The following EBF1 variants were observed in gnomAD, a reference collection of about 807,000 sequenced individuals.
The protein encoded by EBF1 is transcription factor COE1.
A neutral mutation model predicts 68.4 loss-of-function variants in EBF1; 10 were observed. That is an observed-to-expected ratio of 0.15 (90% CI 0.09 to 0.25). The LOEUF (loss-of-function observed/expected upper bound fraction) is 0.25, where lower values mean the gene tolerates loss of function less well. EBF1 is among the 10% of genes least tolerant of loss of function. EBF1 has a pLI of 1.00. For synonymous variants in EBF1, 298 were observed against 299.8 expected (o/e 0.99, Z 0.06); for missense variants, 509 against 794.4 (o/e 0.64, Z 4.32).
intron 6 of EBF1, among the ~76,000 whole-genome samples, chr5:158,856,874 T>C (rs1485096937): frequency 1.3e-5 from 2 of 152,342 alleles, no homozygotes; most frequent in Non-Finnish European, 2.9e-5. Context: ...TTTACCACTG[T>C]AGGGTACAGC....
intron 10 of EBF1, among the ~76,000 whole-genome samples, chr5:158,746,272 A>C (rs1035654798): frequency 6.6e-6 from 1 of 152,176 alleles, no homozygotes; most frequent in East Asian, 1.9e-4. Context: ...AATTCTTAAT[A>C]ACAGCAACTT....
chr5:158,932,477 G>T (rs1018496310), intron 6 of EBF1, among the ~76,000 whole-genome samples: 2 of 152,110 alleles, frequency 1.3e-5, no homozygotes, highest in Non-Finnish European at 2.9e-5. Context: ...ACCTAAGCGT[G>T]AACAGTGGTT....
intron 6 of EBF1, among the ~76,000 whole-genome samples, chr5:159,032,713 T>C (rs7720283): frequency 0.87 from 132,482 of 152,220 alleles, 58,061 homozygotes; most frequent in African/African-American, 0.97. Flanking sequence ...TTTGGAATTG[T>C]CATGAACAGT....
chr5:158,909,136 CAG>C (rs1328362157), intron 6 of EBF1, among the ~76,000 whole-genome samples: 2 of 150,142 alleles, frequency 1.3e-5, no homozygotes, highest in East Asian at 2.0e-4. Flanking sequence ...AAAAAGAAAA[CAG>C]AAAGAAAAAG....
intron 11 of EBF1, among the ~76,000 whole-genome samples, chr5:158,721,667 T>C (rs1761960275): frequency 6.6e-6 from 1 of 152,180 alleles, no homozygotes; most frequent in Non-Finnish European, 1.5e-5. Context: ...AGCTGTTGGT[T>C]CGATCGTGTG....
intron 6 of EBF1, among the ~76,000 whole-genome samples, chr5:159,010,491 C>A (rs1201529379): frequency 1.3e-5 from 2 of 152,100 alleles, no homozygotes; most frequent in Non-Finnish European, 2.9e-5. Context: ...ATACTCCCCC[C>A]CAGAAGCATG....
At chr5:159,063,575 A>G (rs1776240896) in intron 6 of EBF1, among the ~76,000 whole-genome samples, 1 of 152,220 alleles carries the variant, frequency 6.6e-6, no homozygotes, top group South Asian at 2.1e-4. Flanking sequence ...GAAGCCAGGA[A>G]CTATGTTTGT....
intron 6 of EBF1, among the ~76,000 whole-genome samples, chr5:158,951,325 T>TGA (rs1815916441): frequency 6.6e-6 from 1 of 152,180 alleles, no homozygotes; most frequent in African/African-American, 2.4e-5. Flanking sequence ...ATTTCCCAAA[T>TGA]GAGAGAAGGC....
At chr5:158,805,001 A>C (rs1446824238) in intron 8 of EBF1, among the ~76,000 whole-genome samples, 1 of 152,140 alleles carries the variant, frequency 6.6e-6, no homozygotes, top group African/African-American at 2.4e-5. Flanking sequence ...ATTATACAAT[A>C]AGTAAATAAC....
Position 159,006,951 on chromosome 5 carries a change from T to C in EBF1, c.554+66445A>G, listed in dbSNP as rs1443135798. On this transcript the variant is annotated intron_variant, in intron 6 of 15. Coordinates refer to ENST00000313708, the MANE Select transcript of EBF1 (RefSeq NM_024007.5). Reference sequence around the variant, plus strand: ...TTCCTATTTACATATGCTTTACTTCTCAAAAGAATGTCACCTTCCTATTAA... The same window carrying C: ...TTCCTATTTACATATGCTTTACTTCCCAAAAGAATGTCACCTTCCTATTAA... Among the ~76,000 whole-genome samples the C allele has an allele frequency of 2.6e-5, 4 of 152,226 alleles. No individual in the cohort carries two copies. In the South Asian group the frequency reaches 8.3e-4, roughly 31 times the overall value.
At chr5:158,971,295 TA>T (rs1207179976) in intron 6 of EBF1, among the ~76,000 whole-genome samples, 1 of 152,126 alleles carries the variant, frequency 6.6e-6, no homozygotes, top group African/African-American at 2.4e-5. Context: ...TCTCGGAAAA[TA>T]GCCTGTCCAG....
chr5:158,823,189 A>C lies in EBF1; in HGVS notation c.765T>G (p.Ser255=). The change falls in exon 8 of 16, where the codon TCT becomes TCG. Residue 255 remains serine (S), a synonymous_variant. Coordinates refer to ENST00000313708, the MANE Select transcript of EBF1 (RefSeq NM_024007.5). ...RRLDPSEGTP[S]YLEHATPCIK... is the part of the protein sequence containing the mutation. ...TGATTCGCCTACCATGTTCCAGATA[A>C]GAGGGCGTACCTTCCGAGGGGTCAA... The C allele has an allele frequency of 6.2e-7, 1 of 1,613,998 alleles. No homozygotes were observed. The highest frequency in any genetic ancestry group is 1.3e-5 in the African/African-American group (1 of 75,038).
chr5:159,061,270 A>C (rs567048638), intron 6 of EBF1, among the ~76,000 whole-genome samples: 2 of 152,258 alleles, frequency 1.3e-5, no homozygotes, highest in Admixed American at 6.5e-5. Flanking sequence ...CCATTAAATA[A>C]GGGCTCTGTG....
At chr5:158,767,960 G>C (rs1048049450) in intron 10 of EBF1, among the ~76,000 whole-genome samples, 2 of 152,124 alleles carry the variant, frequency 1.3e-5, no homozygotes, top group African/African-American at 4.8e-5. Context: ...ACAGCACGTG[G>C]TGGGTCCCGG....
At chr5:159,066,630 GACACACACAC>G (rs34606310) in intron 6 of EBF1, among the ~76,000 whole-genome samples, 16 of 148,680 alleles carry the variant, frequency 1.1e-4, no homozygotes, top group African/African-American at 3.9e-4. Context: ...TACATGCACA[GACACACACAC>G]ACACACACAC....
intron 11 of EBF1, among the ~76,000 whole-genome samples, chr5:158,729,254 A>G (rs947321646): frequency 2.6e-5 from 4 of 152,262 alleles, no homozygotes; most frequent in Admixed American, 2.0e-4. Flanking sequence ...TTGCATAGCT[A>G]GCAAGTGGCC....
At chr5:158,880,188 A>T (rs990819452) in intron 6 of EBF1, among the ~76,000 whole-genome samples, 4 of 152,132 alleles carry the variant, frequency 2.6e-5, no homozygotes, top group African/African-American at 7.2e-5. Context: ...GAAAGGGAGG[A>T]TGAGAAGATC....
intron 6 of EBF1, among the ~76,000 whole-genome samples, chr5:159,065,594 C>G (rs1005954732): frequency 7.2e-5 from 11 of 151,966 alleles, no homozygotes; most frequent in Middle Eastern, 3.4e-3. Context: ...GTTAATTGAG[C>G]AGCAAATGAG....
chr5:158,926,452 G>A (rs899910381), intron 6 of EBF1, among the ~76,000 whole-genome samples: 4 of 152,084 alleles, frequency 2.6e-5, no homozygotes, highest in Non-Finnish European at 2.9e-5. Flanking sequence ...TTGGCCGGGC[G>A]CAGTGGATCA....
Sources: gnomAD v4.1 joint callset for allele counts (sites outside exome capture counted in the v4.1 genomes callset) on GRCh38, gnomAD v4.1.1 for gene constraint, MANE v1.5 for transcripts, NCBI Gene and HGNC (gene_info 2026-07-23, HGNC 2026-07-21) for gene names.